The following PRKCI variants were observed in gnomAD, a reference collection of about 807,000 sequenced individuals.
The protein encoded by PRKCI is protein kinase C iota type.
Under a neutral mutation model 84.0 loss-of-function variants are expected in PRKCI, and 43 were observed. The ratio of observed to expected loss-of-function variants is 0.51; its 90% CI spans 0.40 to 0.66. The LOEUF (loss-of-function observed/expected upper bound fraction) is 0.66, where lower values mean the gene tolerates loss of function less well. Among genes scored for constraint, PRKCI ranks in the 30% least tolerant of loss-of-function variants. The pLI is 0.00. For synonymous variants in PRKCI, 216 were observed against 234.4 expected (o/e 0.92, Z 0.72); for missense variants, 459 against 745.6 (o/e 0.62, Z 4.48).
intron 4 of PRKCI, 59 bp from the exon 5 acceptor site, chr3:170,267,856 A>C: frequency 1.5e-6 from 2 of 1,296,790 alleles, no homozygotes; most frequent in Non-Finnish European, 2.1e-6. Context: ...CTTAATTATA[A>C]AATGATTTTT....
At chr3:170,250,193 A>G (rs531601355) in intron 2 of PRKCI, among the ~76,000 whole-genome samples, 1 of 152,042 alleles carries the variant, frequency 6.6e-6, no homozygotes, top group South Asian at 2.1e-4. Context: ...GAATCACTTG[A>G]ACCTGGGAGC....
intron 1 of PRKCI, among the ~76,000 whole-genome samples, chr3:170,229,250 G>A (rs143535177): frequency 9.2e-5 from 14 of 152,182 alleles, no homozygotes; most frequent in African/African-American, 3.4e-4. Context: ...TTTAAAAATC[G>A]TGGTCATCTT....
chr3:170,229,446 C>T (rs1453353957), intron 1 of PRKCI, among the ~76,000 whole-genome samples: 1 of 152,160 alleles, frequency 6.6e-6, no homozygotes, highest in African/African-American at 2.4e-5. Flanking sequence ...TCCTGAGTAG[C>T]TAGGATTAGC....
intron 2 of PRKCI, among the ~76,000 whole-genome samples, chr3:170,238,285 C>T (rs1356671634): frequency 1.3e-5 from 1 of 77,798 alleles, no homozygotes; most frequent in Non-Finnish European, 3.1e-5. Context: ...ATCACTTGAA[C>T]CTGGGAGACG....
At chr3:170,256,110 A>G (rs1798228) in intron 2 of PRKCI, among the ~76,000 whole-genome samples, 32,892 of 152,078 alleles carry the variant, frequency 0.22, 3,928 homozygotes, top group African/African-American at 0.32. Flanking sequence ...TTTTGCATCA[A>G]TGTTCATCAG....
chr3:170,271,254 A>C (rs557015812), intron 6 of PRKCI, among the ~76,000 whole-genome samples: 1 of 152,136 alleles, frequency 6.6e-6, no homozygotes, highest in Non-Finnish European at 1.5e-5. Context: ...TTTACTAGAC[A>C]TCCAGCTCCA....
chr3:170,252,551 C>A (rs777097383), intron 2 of PRKCI, among the ~76,000 whole-genome samples: 1 of 151,700 alleles, frequency 6.6e-6, no homozygotes, highest in Non-Finnish European at 1.5e-5. Flanking sequence ...ACTGTAATTA[C>A]CCTGTTGTGC....
rs760514769 is a variant in PRKCI, at chr3:170,281,869, TC to T, written c.981-11del. On this transcript the variant is annotated splice_polypyrimidine_tract_variant and intron_variant, in intron 10 of 17. Coordinates refer to ENST00000295797, the MANE Select transcript of PRKCI (RefSeq NM_002740.6). ...TTGGATCTTGATTTCATGGGTTCTCTCCTGTGTTTTAGATTGTTCTTTGTTA... is the reference window on the plus strand; with the variant it reads ...TTGGATCTTGATTTCATGGGTTCTCTCTGTGTTTTAGATTGTTCTTTGTTA... The T allele has an allele frequency of 6.3e-6, 10 of 1,582,948 alleles. No homozygotes were observed. The African/African-American group carries it at 1.2e-4, about 19-fold the overall frequency.
At chr3:170,260,315 C>A (rs1733691129) in intron 3 of PRKCI, among the ~76,000 whole-genome samples, 1 of 152,094 alleles carries the variant, frequency 6.6e-6, no homozygotes, top group African/African-American at 2.4e-5. Context: ...TGTATCACAG[C>A]AAATTTATGA....
At position 170,250,444 on chromosome 3, in the gene PRKCI, CA is replaced by C. The variant is rs201210886; in HGVS notation, c.224-9516del. Among the ~76,000 whole-genome samples, 143 of 68,920 alleles carry C rather than the reference CA, an allele frequency of 2.1e-3. 1 individual carries two copies. The highest frequency in any genetic ancestry group is 6.1e-3 in the African/African-American group (118 of 19,434). The allele number at this position is 68,920 out of a possible 152,430, so 45.2% of individuals were successfully genotyped here. On this transcript the variant is annotated intron_variant, in intron 2 of 17. Coordinates refer to ENST00000295797, the MANE Select transcript of PRKCI (RefSeq NM_002740.6). ...ATTTTCATTACCAACCCCCCCCCCC[CA>C]AAAAAAAATCTCGTGTCTATTAGCA...
intron 1 of PRKCI, among the ~76,000 whole-genome samples, chr3:170,225,739 A>G (rs1029943315): frequency 2.0e-5 from 3 of 151,714 alleles, no homozygotes; most frequent in Admixed American, 2.0e-4. Flanking sequence ...ATTTCTTTCC[A>G]GTGAATGTTG....
chr3:170,277,432 C>T (rs953057653), intron 8 of PRKCI, among the ~76,000 whole-genome samples: 9 of 152,076 alleles, frequency 5.9e-5, no homozygotes, highest in African/African-American at 2.2e-4. Flanking sequence ...TCAACTTGGG[C>T]GTGATGGCTC....
chr3:170,297,230 A>G, intron 15 of PRKCI, 74 bp from the exon 16 acceptor site: 1 of 1,253,044 alleles, frequency 8.0e-7, no homozygotes, highest in East Asian at 2.4e-5. Flanking sequence ...GAGGGCACAC[A>G]ACACAGATCA....
Position 170,222,493 on chromosome 3 carries a change from C to CGCGGTTCCG in PRKCI, c.-174_-166dup. The CGCGGTTCCG allele has an allele frequency of 2.0e-6, 1 of 503,770 alleles. No individual in the cohort carries two copies. The highest frequency in any genetic ancestry group is 3.3e-6 in the Non-Finnish European group (1 of 299,630). The allele number at this position is 503,770 out of a possible 1,614,324, so 31.2% of individuals were successfully genotyped here. ...CGCCTACGGGCAGTGGGAGGAGCCG[C>CGCGGTTCCG]GCGGTTCCGGCTGCTCCGGCGAGGC... On this transcript the variant is annotated 5_prime_UTR_variant, in exon 1 of 18. Coordinates refer to ENST00000295797, the MANE Select transcript of PRKCI (RefSeq NM_002740.6).
intron 11 of PRKCI, among the ~76,000 whole-genome samples, chr3:170,282,501 A>G (rs1170670415): frequency 1.3e-5 from 2 of 151,638 alleles, no homozygotes; most frequent in Non-Finnish European, 2.9e-5. Context: ...GTTTGAGACC[A>G]GCCTGGCCAA....
intron 2 of PRKCI, among the ~76,000 whole-genome samples, chr3:170,245,588 C>T (rs775380769): frequency 9.9e-5 from 15 of 152,206 alleles, no homozygotes; most frequent in Non-Finnish European, 2.1e-4. Context: ...TCTCCAGTTG[C>T]CCTGTCTTCT....
chr3:170,286,943 T>C (rs1455407147), intron 12 of PRKCI, among the ~76,000 whole-genome samples: 1 of 151,968 alleles, frequency 6.6e-6, no homozygotes, highest in Non-Finnish European at 1.5e-5. Context: ...GAATGGGGAA[T>C]GCAGTTCATA....
chr3:170,287,862 T>C (rs1431036937), intron 12 of PRKCI, among the ~76,000 whole-genome samples: 1 of 147,512 alleles, frequency 6.8e-6, no homozygotes, highest in East Asian at 2.0e-4. Context: ...TGAGTGGAGA[T>C]TGTGCCACTG....
chr3:170,267,984 C>A lies in PRKCI; in HGVS notation c.434C>A (p.Ala145Asp). 6.2e-7 allele frequency: 1 copy of A among 1,612,078 alleles called. No individual in the cohort carries two copies. Residue 145 changes from alanine to aspartate, a missense_variant, in exon 5 of 18, where the codon GCC becomes GAC. Physicochemically the swap from Ala to Asp is moderately radical, Grantham distance 126 (BLOSUM62 -2). Around this residue, in one of 2 missense-constraint regions of PRKCI, gnomAD observed 250 missense variants for 319.7 expected, o/e 0.78. Transcript: ENST00000295797. The part of the protein sequence containing the change: ...LYCANGHTFQ[A>D]KRFNRRAHCA... ...TGTGCCAATGGCCACACTTTCCAAG[C>A]CAAGCGTTTCAACAGGGTAAACATA...
Sources: allele counts gnomAD v4.1 joint callset (sites outside exome capture counted in the v4.1 genomes callset), GRCh38; gene constraint gnomAD v4.1.1; regional missense constraint gnomAD v4.1.1; transcripts MANE v1.5; gene names NCBI Gene and HGNC (gene_info 2026-07-23, HGNC 2026-07-21).